PCDHGA3: variants seen among roughly 807,000 people sequenced by gnomAD.
The protein encoded by PCDHGA3 is protocadherin gamma-A3.
PCDHGA3 carries 40 observed loss-of-function variants against 58.5 expected under a neutral mutation model. The observed-to-expected ratio is 0.68, with a 90% CI of 0.53 to 0.89. PCDHGA3 has a LOEUF of 0.89. Among genes scored for constraint, PCDHGA3 ranks in the 40% least tolerant of loss-of-function variants. PCDHGA3 has a pLI of 0.00. For synonymous variants in PCDHGA3, 530 were observed against 525.7 expected, an observed-to-expected ratio of 1.01 and a Z score of -0.11; for missense variants, 1,223 against 1,195.9, an observed-to-expected ratio of 1.02 and a Z score of -0.33.
intron 2 of PCDHGA3, among the ~76,000 whole-genome samples, chr5:141,502,500 G>A (rs1398797155): frequency 6.6e-6 from 1 of 152,046 alleles, no homozygotes; most frequent in Non-Finnish European, 1.5e-5. Context: ...ATCTAACGTC[G>A]GCCTGTCCCA....
chr5:141,399,469 T>G, intron 1 of PCDHGA3: 1 of 1,614,000 alleles, frequency 6.2e-7, no homozygotes. Flanking sequence ...CGCTCCGGTT[T>G]TCCACCAGGC....
intron 1 of PCDHGA3, among the ~76,000 whole-genome samples, chr5:141,382,008 T>C (rs2150196645): frequency 6.6e-6 from 1 of 151,992 alleles, no homozygotes; most frequent in Middle Eastern, 3.4e-3. Context: ...TTTGTATTTT[T>C]AGTAGAGACG....
At chr5:141,420,432 T>C in intron 1 of PCDHGA3, 2 of 1,149,120 alleles carry the variant, frequency 1.7e-6, no homozygotes, top group Non-Finnish European at 2.3e-6. Flanking sequence ...AAAGTTTAAA[T>C]TAAATGCCTC....
intron 1 of PCDHGA3, chr5:141,362,080 G>A: frequency 4.3e-6 from 7 of 1,613,200 alleles, no homozygotes; most frequent in Non-Finnish European, 5.9e-6. Flanking sequence ...TGTGCGTGAT[G>A]GAGGACAGCC....
chr5:141,405,090 C>A, intron 1 of PCDHGA3: 1 of 1,613,950 alleles, frequency 6.2e-7, no homozygotes, highest in Non-Finnish European at 8.5e-7. Flanking sequence ...ACGCTGCTGG[C>A]CCTCAGGCTG....
chr5:141,376,255 G>C, intron 1 of PCDHGA3: 1 of 1,614,256 alleles, frequency 6.2e-7, no homozygotes, highest in Non-Finnish European at 8.5e-7. Context: ...AGTCACGCCT[G>C]CTGCAGGCTT....
intron 1 of PCDHGA3, among the ~76,000 whole-genome samples, chr5:141,347,668 T>G (rs897113991): frequency 1.3e-5 from 2 of 151,640 alleles, no homozygotes; most frequent in Admixed American, 1.3e-4. Flanking sequence ...GCGCCTGTAA[T>G]CCAAGCTACT....
intron 1 of PCDHGA3, chr5:141,423,565 C>G: frequency 1.2e-6 from 2 of 1,613,594 alleles, no homozygotes; most frequent in Non-Finnish European, 1.7e-6. Context: ...TGGGGACACG[C>G]TCATCAGCCA....
intron 1 of PCDHGA3, chr5:141,395,582 G>T (rs1200378126): frequency 5.5e-6 from 1 of 181,100 alleles, no homozygotes; most frequent in Non-Finnish European, 1.1e-5. Flanking sequence ...GTGTGTGTGT[G>T]TGTGTGTGTA....
intron 1 of PCDHGA3, chr5:141,350,974 G>A (rs776132463): frequency 9.9e-6 from 16 of 1,614,096 alleles, no homozygotes; most frequent in Non-Finnish European, 1.4e-5. Flanking sequence ...ATGCTCCCGT[G>A]TTTAGCCAGG....
chr5:141,358,211 G>C (rs1760853496), intron 1 of PCDHGA3, among the ~76,000 whole-genome samples: 1 of 152,100 alleles, frequency 6.6e-6, no homozygotes, highest in South Asian at 2.1e-4. Flanking sequence ...ATAAAATAAA[G>C]TAAAATAAAG....
In PCDHGA3 at chr5:141,489,504, A is replaced by G. The variant is rs148241772; in HGVS notation, c.2425-5303A>G. 193 of 1,614,016 alleles carry G rather than the reference A, an allele frequency of 1.2e-4. No individual in the cohort carries two copies. Among genetic ancestry groups the G allele is most frequent in the Non-Finnish European group, 1.6e-4 (184 of 1,180,046 alleles). On this transcript the variant is annotated intron_variant, in intron 1 of 3. Transcript: ENST00000253812. The surrounding 1 kb of genome is among the most constrained non-coding windows in gnomAD (Gnocchi z 4.5). ...TGAGTGGTGCCCTGGCAGTGAATCA[A>G]AAGATTGACCGAGAAAGCCTATGTG...
chr5:141,393,774 G>A (rs767667499), intron 1 of PCDHGA3: 9 of 1,613,824 alleles, frequency 5.6e-6, no homozygotes, highest in Non-Finnish European at 7.6e-6. Context: ...GGAAATACAA[G>A]CCGAAGATGT....
At chr5:141,509,169 T>C (rs1321257504) in intron 3 of PCDHGA3, among the ~76,000 whole-genome samples, 2 of 152,174 alleles carry the variant, frequency 1.3e-5, no homozygotes, top group African/African-American at 4.8e-5. Context: ...TGTGCCCTCC[T>C]CCTCTTATGC....
chr5:141,350,369 G>A (rs2149756755), intron 1 of PCDHGA3: 2 of 1,582,152 alleles, frequency 1.3e-6, no homozygotes, highest in East Asian at 2.2e-5. Context: ...CACGATTCCA[G>A]AGGAGCTAGC....
At chr5:141,410,012 C>T (rs1256228205) in intron 1 of PCDHGA3, 24 of 1,613,212 alleles carry the variant, frequency 1.5e-5, no homozygotes, top group Non-Finnish European at 2.0e-5. Context: ...CAACGCCTGG[C>T]TGTCCTACCA....
rs755177334 is a variant in PCDHGA3, at chr5:141,403,403, C to A, written c.2424+56946C>A. On this transcript the variant is annotated intron_variant, in intron 1 of 3. Coordinates refer to ENST00000253812, the MANE Select transcript of PCDHGA3 (RefSeq NM_018916.4). ...TAACGAAATCGCGGTTCCTGGAGCA[C>A]GTTATCCACTTCCAGAAGCTATTGA... 6.2e-6 allele frequency: 10 copies of A among 1,613,948 alleles called. 1 individual carries two copies. The South Asian group carries it at 1.1e-4, about 18-fold the overall frequency.
chr5:141,499,408 G>C (rs1178843162), intron 2 of PCDHGA3, among the ~76,000 whole-genome samples: 1 of 151,896 alleles, frequency 6.6e-6, no homozygotes, highest in Non-Finnish European at 1.5e-5. Context: ...GCTCATTATA[G>C]AAACATGAAA....
chr5:141,461,389 G>T (rs2099014363), intron 1 of PCDHGA3, among the ~76,000 whole-genome samples: 1 of 152,110 alleles, frequency 6.6e-6, no homozygotes. Context: ...CTGATGATTA[G>T]CGATGTTGAG....
Sources: gnomAD v4.1 joint callset for allele counts (sites outside exome capture counted in the v4.1 genomes callset) on GRCh38, gnomAD v4.1.1 for gene constraint, Gnocchi (gnomAD v3.1) non-coding constraint, MANE v1.5 for transcripts, NCBI Gene and HGNC (gene_info 2026-07-23, HGNC 2026-07-21) for gene names.